QTGAL: variants seen among roughly 807,000 people sequenced by gnomAD.
QTGAL encodes the protein BGnT-like protein 1.
chr17:82,993,883 T>A, the QTGAL span, among the ~76,000 whole-genome samples: 7 of 152,076 alleles, frequency 4.6e-5, no homozygotes, highest in Non-Finnish European at 8.8e-5. Context: ...ACAATGGTAA[T>A]TTAACAATAT....
the QTGAL span, among the ~76,000 whole-genome samples, chr17:83,045,916 C>T: frequency 2.7e-4 from 41 of 152,058 alleles, no homozygotes; most frequent in South Asian, 7.5e-3. Flanking sequence ...CTCTGCCTCC[C>T]GGGTTCAAGC....
chr17:82,976,980 G>C, the QTGAL span, among the ~76,000 whole-genome samples: 1 of 152,122 alleles, frequency 6.6e-6, no homozygotes, highest in African/African-American at 2.4e-5. Flanking sequence ...CATCCTCCCA[G>C]GGGCCGGAGG....
At chr17:83,025,839 CG>C in the QTGAL span, among the ~76,000 whole-genome samples, 1 of 152,366 alleles carries the variant, frequency 6.6e-6, no homozygotes, top group East Asian at 1.9e-4. Flanking sequence ...CAGTCGTGTC[CG>C]GGTGAGTACA....
chr17:83,032,323 G>C, the QTGAL span, among the ~76,000 whole-genome samples: 22 of 115,172 alleles, frequency 1.9e-4, no homozygotes, highest in East Asian at 1.2e-3. Context: ...GGCCTCTGAC[G>C]CAGACCGAAC....
the QTGAL span, among the ~76,000 whole-genome samples, chr17:82,995,182 T>C: frequency 6.6e-6 from 1 of 152,120 alleles, no homozygotes; most frequent in Non-Finnish European, 1.5e-5. Context: ...CTGAAAGTCC[T>C]AGCTAAAGCA....
the QTGAL span, among the ~76,000 whole-genome samples, chr17:82,955,547 GTGGGAA>G: frequency 6.6e-6 from 1 of 152,242 alleles, no homozygotes; most frequent in Non-Finnish European, 1.5e-5. Context: ...TACACTGTTG[GTGGGAA>G]TGTAAATTAG....
chr17:82,960,999 G>T, the QTGAL span: 1 of 1,559,110 alleles, frequency 6.4e-7, no homozygotes, highest in Non-Finnish European at 8.7e-7. Flanking sequence ...CCCGACCTCG[G>T]GCGCCTCCCG....
At chr17:83,049,097 C>CA in the QTGAL span, 5 of 261,714 alleles carry the variant, frequency 1.9e-5, no homozygotes, top group African/African-American at 4.6e-5. Flanking sequence ...ACTAAAAATA[C>CA]AAAAAATTAG....
the QTGAL span, among the ~76,000 whole-genome samples, chr17:82,983,289 A>G: frequency 0.68 from 103,010 of 152,120 alleles, 35,074 homozygotes; most frequent in East Asian, 0.81. Flanking sequence ...CAAAATATAT[A>G]TATGTTTTAG....
the QTGAL span, among the ~76,000 whole-genome samples, chr17:83,036,886 T>G: frequency 6.6e-6 from 1 of 152,202 alleles, no homozygotes; most frequent in African/African-American, 2.4e-5. Context: ...GGAAGGCTTC[T>G]GAACAAGGAG....
the QTGAL span, among the ~76,000 whole-genome samples, chr17:83,010,766 G>C: frequency 1.3e-5 from 2 of 152,220 alleles, no homozygotes; most frequent in African/African-American, 4.8e-5. Context: ...ATTATGGCTT[G>C]GCACAGGCAA....
the QTGAL span, among the ~76,000 whole-genome samples, chr17:83,036,327 C>T: frequency 6.6e-6 from 1 of 152,188 alleles, no homozygotes; most frequent in African/African-American, 2.4e-5. Context: ...TTCTTCTGTG[C>T]TGTGAGAAAC....
At chr17:82,984,248 AGGAGGCCATATGATCACGCAG>A in the QTGAL span, among the ~76,000 whole-genome samples, 1 of 60,886 alleles carries the variant, frequency 1.6e-5, no homozygotes, top group Non-Finnish European at 3.0e-5. Context: ...GTGAGCACAC[AGGAGGCCATATGATCACGCAG>A]GGGAGAGGCC....
At chr17:82,956,813 T>C in the QTGAL span, 1 of 1,551,384 alleles carries the variant, frequency 6.4e-7, no homozygotes, top group Non-Finnish European at 8.7e-7. The surrounding 1 kb of genome is among the most constrained non-coding windows in gnomAD (Gnocchi z 5.7). Context: ...GCCTGGAGCT[T>C]GTCCCCGGAG....
chr17:82,971,144 AC>A, the QTGAL span, among the ~76,000 whole-genome samples: 4 of 152,156 alleles, frequency 2.6e-5, no homozygotes, highest in African/African-American at 9.7e-5. Context: ...TCAACGTTTC[AC>A]GGGGACAAAC....
chr17:83,021,408 TA>T, the QTGAL span, among the ~76,000 whole-genome samples: 1 of 151,484 alleles, frequency 6.6e-6, no homozygotes, highest in Non-Finnish European at 1.5e-5. Context: ...AATGAATTGT[TA>T]ATACCACTTT....
the QTGAL span, among the ~76,000 whole-genome samples, chr17:83,029,724 C>T: frequency 1.3e-5 from 2 of 152,192 alleles, no homozygotes; most frequent in African/African-American, 4.8e-5. Context: ...TCACAATCCT[C>T]CTCCACCCAA....
chr17:82,947,321 TTCC>T, the QTGAL span: 32 of 291,812 alleles, frequency 1.1e-4, no homozygotes, highest in South Asian at 1.1e-3. Context: ...CAGACCCACC[TTCC>T]CTCCACACAC....
the QTGAL span, among the ~76,000 whole-genome samples, chr17:82,959,199 G>C: frequency 6.6e-6 from 1 of 151,894 alleles, no homozygotes; most frequent in African/African-American, 2.4e-5. Context: ...AGTGTGTGCA[G>C]GTGTTCGGAG....
Sources: allele counts gnomAD v4.1 joint callset (sites outside exome capture counted in the v4.1 genomes callset), GRCh38; gene constraint gnomAD v4.1.1; non-coding constraint Gnocchi (gnomAD v3.1); transcripts MANE v1.5; gene names NCBI Gene and HGNC (gene_info 2026-07-23, HGNC 2026-07-21).